The following LMCD1 variants were observed in gnomAD, a reference collection of about 807,000 sequenced individuals.
The protein encoded by LMCD1 is LIM and cysteine rich domains 1, also known as LIM and cysteine-rich domains protein 1.
In LMCD1, 32 loss-of-function variants were observed where a neutral mutation model predicts 42.7. The observed-to-expected ratio is 0.75, with a 90% CI of 0.57 to 1.01. LMCD1 has a LOEUF of 1.01. Among genes scored for constraint, LMCD1 ranks in the 50% least tolerant of loss-of-function variants. The pLI is 0.00. For missense variants in LMCD1, 458 were observed against 483.1 expected (o/e 0.95, Z 0.49); for synonymous variants, 178 against 184.9 (o/e 0.96, Z 0.30).
chr3:8,502,477 C>A lies in LMCD1; in HGVS notation c.42+497C>A, dbSNP rs147114896. 1.2e-3 allele frequency among the ~76,000 whole-genome samples: 156 copies of A among 131,438 alleles called. 1 individual carries two copies. Among genetic ancestry groups the A allele is most frequent in the Non-Finnish European group, 2.2e-3 (139 of 64,202 alleles). 86.2% of individuals were successfully genotyped at this position (131,438 alleles called of 152,430 possible). A position where few individuals can be genotyped will look rare whatever the true frequency, so the allele number is the denominator to read the frequency against. Reference sequence around the variant, plus strand: ...ACCCCTAGCTTCCTCACTCCCTGTCCTCAGGTGGCTGAAGTAAGGGTTGAG... The same window carrying A: ...ACCCCTAGCTTCCTCACTCCCTGTCATCAGGTGGCTGAAGTAAGGGTTGAG... On this transcript the variant is annotated intron_variant, in intron 1 of 5. Coordinates refer to ENST00000157600, the MANE Select transcript of LMCD1 (RefSeq NM_014583.4).
chr3:8,521,767 T>C (rs1694209342), intron 1 of LMCD1, among the ~76,000 whole-genome samples: 1 of 152,174 alleles, frequency 6.6e-6, no homozygotes, highest in Non-Finnish European at 1.5e-5. Flanking sequence ...TTATGCCAAG[T>C]GATACTGTGA....
chr3:8,544,975 A>C (rs986189590), intron 3 of LMCD1, among the ~76,000 whole-genome samples: 2 of 152,236 alleles, frequency 1.3e-5, no homozygotes, highest in African/African-American at 2.4e-5. Context: ...TCACCCATGC[A>C]TAAGAATTAC....
At chr3:8,538,685 C>T (rs893148883) in intron 3 of LMCD1, among the ~76,000 whole-genome samples, 1 of 152,228 alleles carries the variant, frequency 6.6e-6, no homozygotes, top group East Asian at 1.9e-4. Context: ...ATTCAGTTTA[C>T]AATAGATGTC....
chr3:8,502,413 A>AAT (rs1480119468), intron 1 of LMCD1, among the ~76,000 whole-genome samples: 4 of 97,378 alleles, frequency 4.1e-5, no homozygotes, highest in Non-Finnish European at 5.8e-5. Flanking sequence ...TATAATATAT[A>AAT]ATATATATAT....
chr3:8,537,194 C>A lies in LMCD1; in HGVS notation c.141C>A (p.Cys47Ter), dbSNP rs1171703853. 1 of 1,613,780 alleles carries A rather than the reference C, an allele frequency of 6.2e-7. No homozygotes were observed. Among genetic ancestry groups the A allele is most frequent in the South Asian group, 1.1e-5 (1 of 91,022 alleles). ...GFEPHSWRKICKSCKCSQEDH... is the reference protein window; with the variant it reads ...GFEPHSWRKI ...ATCCACCCACCCCCAGGAAAATATG[C>A]AAGTCTTGCAAATGCAGCCAAGAGG... The change falls in exon 3 of 6, where the codon TGC becomes TGA. Residue 47 changes from cysteine (C) to a stop codon, truncating the protein, a stop_gained. Transcript: ENST00000157600. LOFTEE classifies it high-confidence loss of function.
intron 4 of LMCD1, chr3:8,550,701 C>T: frequency 1.0e-6 from 1 of 981,998 alleles, no homozygotes; most frequent in Non-Finnish European, 1.2e-6. Flanking sequence ...AATATTAGAT[C>T]TAGTTACCAT....
chr3:8,502,046 C>T, intron 1 of LMCD1, 66 bp downstream of exon 1: 1 of 1,468,336 alleles, frequency 6.8e-7, no homozygotes, highest in Non-Finnish European at 9.3e-7. Context: ...CCCATCTGTT[C>T]GCGGAAACTT....
chr3:8,502,887 C>T (rs183554033), intron 1 of LMCD1, among the ~76,000 whole-genome samples: 2 of 152,212 alleles, frequency 1.3e-5, no homozygotes, highest in African/African-American at 2.4e-5. Context: ...CTTTACAGAT[C>T]GGGAAACTGA....
At chr3:8,521,129 A>G (rs1574951767) in intron 1 of LMCD1, among the ~76,000 whole-genome samples, 1 of 152,302 alleles carries the variant, frequency 6.6e-6, no homozygotes, top group East Asian at 1.9e-4. Flanking sequence ...TATACGTAAG[A>G]TTTGTGGGCC....
At chr3:8,542,147 A>G (rs1016153434) in intron 3 of LMCD1, among the ~76,000 whole-genome samples, 2 of 151,582 alleles carry the variant, frequency 1.3e-5, no homozygotes, top group African/African-American at 4.8e-5. Flanking sequence ...GGCACACACC[A>G]CCATGCCCAG....
At chr3:8,530,707 G>T (rs1323037507) in intron 1 of LMCD1, among the ~76,000 whole-genome samples, 1 of 152,328 alleles carries the variant, frequency 6.6e-6, no homozygotes, top group African/African-American at 2.4e-5. Context: ...TATTAAGTGT[G>T]TAAGGATCAC....
intron 1 of LMCD1, among the ~76,000 whole-genome samples, chr3:8,506,724 C>G (rs1422576926): frequency 6.6e-6 from 1 of 152,144 alleles, no homozygotes; most frequent in African/African-American, 2.4e-5. Context: ...CCATTTAAAT[C>G]TTTATTTTAA....
intron 1 of LMCD1, among the ~76,000 whole-genome samples, chr3:8,531,249 T>G (rs1189685270): frequency 6.6e-6 from 1 of 152,220 alleles, no homozygotes; most frequent in Non-Finnish European, 1.5e-5. Context: ...ATCATGCCTT[T>G]CATACCTTTT....
At chr3:8,558,356 C>T (rs958440326) in intron 4 of LMCD1, among the ~76,000 whole-genome samples, 1 of 152,168 alleles carries the variant, frequency 6.6e-6, no homozygotes, top group Non-Finnish European at 1.5e-5. Context: ...GCAAAGGCCC[C>T]AATATTCAAA....
At chr3:8,546,476 G>A (rs1694736896) in intron 3 of LMCD1, among the ~76,000 whole-genome samples, 1 of 152,136 alleles carries the variant, frequency 6.6e-6, no homozygotes, top group Admixed American at 6.5e-5. Context: ...TACAGCTGAA[G>A]AACCTGTGCA....
chr3:8,503,656 A>T (rs1194534304), intron 1 of LMCD1, among the ~76,000 whole-genome samples: 1 of 152,200 alleles, frequency 6.6e-6, no homozygotes, highest in East Asian at 1.9e-4. Flanking sequence ...ACTCATGAGA[A>T]TATCTGTCCA....
intron 1 of LMCD1, among the ~76,000 whole-genome samples, chr3:8,515,478 G>A (rs1195635883): frequency 6.6e-6 from 1 of 152,102 alleles, no homozygotes; most frequent in African/African-American, 2.4e-5. Context: ...TTTCTGAATG[G>A]CCCTGAAGCA....
intron 1 of LMCD1, among the ~76,000 whole-genome samples, chr3:8,529,734 T>C (rs1219438418): frequency 6.6e-6 from 1 of 152,106 alleles, no homozygotes; most frequent in East Asian, 1.9e-4. Flanking sequence ...GGGGTGTGTA[T>C]TTAGAAAAAA....
At chr3:8,508,388 T>C (rs1391341707) in intron 1 of LMCD1, among the ~76,000 whole-genome samples, 1 of 152,086 alleles carries the variant, frequency 6.6e-6, no homozygotes, top group Non-Finnish European at 1.5e-5. Flanking sequence ...AAACAAAGGC[T>C]CCATTTGGCA....
Sources: gnomAD v4.1 joint callset for allele counts (sites outside exome capture counted in the v4.1 genomes callset) on GRCh38, gnomAD v4.1.1 for gene constraint, MANE v1.5 for transcripts, NCBI Gene and HGNC (gene_info 2026-07-23, HGNC 2026-07-21) for gene names.